Variants in DLGAP1 observed in about 807,000 individuals in gnomAD.
DLGAP1 encodes DLG associated protein 1, also known as disks large-associated protein 1.
DLGAP1 carries 11 observed loss-of-function variants against 90.8 expected under a neutral mutation model. That is an observed-to-expected ratio of 0.12 (90% confidence interval 0.08 to 0.20). The LOEUF is 0.20. Ranked by LOEUF, DLGAP1 falls within the 10% of genes least tolerant of loss-of-function variation. The probability of loss-of-function intolerance (pLI) is 1.00; values close to 1 mark genes in which losing one functional copy is unlikely to be tolerated. For synonymous variants in DLGAP1, 558 were observed against 540.7 expected (o/e 1.03, Z -0.44); for missense variants, 1,050 against 1,333.8 (o/e 0.79, Z 3.31).
intron 1 of DLGAP1, among the ~76,000 whole-genome samples, chr18:4,160,336 C>G (rs964587921): frequency 6.6e-6 from 1 of 152,174 alleles, no homozygotes; most frequent in African/African-American, 2.4e-5. Context: ...TTTGTCCCTA[C>G]TGAACTCCCA....
intron 4 of DLGAP1, among the ~76,000 whole-genome samples, chr18:3,861,234 G>A (rs2070033932): frequency 6.6e-6 from 1 of 152,112 alleles, no homozygotes; most frequent in Non-Finnish European, 1.5e-5. Context: ...TCCAATAGAG[G>A]ATCTGTTCAC....
At chr18:4,447,523 T>C (rs369559534) in intron 1 of DLGAP1, among the ~76,000 whole-genome samples, 9 of 152,196 alleles carry the variant, frequency 5.9e-5, no homozygotes, top group African/African-American at 2.2e-4. Flanking sequence ...TGAGTCCCTC[T>C]GAGGGAAGAC....
intron 7 of DLGAP1, among the ~76,000 whole-genome samples, chr18:3,692,219 T>C (rs1466163650): frequency 6.6e-6 from 1 of 152,196 alleles, no homozygotes; most frequent in Non-Finnish European, 1.5e-5. Flanking sequence ...GATCAAAGGT[T>C]AAGTGCCTCT....
intron 3 of DLGAP1, among the ~76,000 whole-genome samples, chr18:3,951,955 T>C (rs2072994831): frequency 1.3e-5 from 2 of 152,188 alleles, no homozygotes; most frequent in South Asian, 4.1e-4. Flanking sequence ...AGTGTGAAAA[T>C]GGACTAATAC....
intron 5 of DLGAP1, among the ~76,000 whole-genome samples, chr18:3,796,299 CT>C (rs1353116887): frequency 9.2e-5 from 14 of 151,422 alleles, no homozygotes; most frequent in African/African-American, 2.9e-4. Context: ...GCATTTAATA[CT>C]ATGGAAAACA....
intron 9 of DLGAP1, among the ~76,000 whole-genome samples, chr18:3,561,389 T>A: frequency 7.8e-6 from 1 of 127,600 alleles, no homozygotes; most frequent in South Asian, 2.3e-4. Context: ...TGAGCCAAGA[T>A]CCTGCCACTA....
intron 7 of DLGAP1, among the ~76,000 whole-genome samples, chr18:3,644,963 C>T (rs1231035200): frequency 6.6e-6 from 1 of 152,060 alleles, no homozygotes; most frequent in Non-Finnish European, 1.5e-5. Context: ...AAGGGGAAAA[C>T]ACATACTCAT....
intron 3 of DLGAP1, among the ~76,000 whole-genome samples, chr18:3,909,544 ATTT>A (rs373391824): frequency 1.3e-5 from 2 of 152,112 alleles, no homozygotes; most frequent in African/African-American, 4.8e-5. Flanking sequence ...CTTGCTTTTG[ATTT>A]TTTTATTAAT....
At chr18:4,309,515 G>C (rs981963731) in intron 1 of DLGAP1, among the ~76,000 whole-genome samples, 3 of 152,178 alleles carry the variant, frequency 2.0e-5, no homozygotes, top group East Asian at 3.8e-4. Flanking sequence ...TAAGCACTAA[G>C]AAGAGCCTCT....
At chr18:4,066,967 C>T (rs1158284975) in intron 2 of DLGAP1, among the ~76,000 whole-genome samples, 1 of 152,134 alleles carries the variant, frequency 6.6e-6, no homozygotes, top group Non-Finnish European at 1.5e-5. Flanking sequence ...AAATGTGGTA[C>T]ATATACACCA....
intron 7 of DLGAP1, among the ~76,000 whole-genome samples, chr18:3,591,364 T>G (rs2056234807): frequency 6.6e-6 from 1 of 152,080 alleles, no homozygotes; most frequent in South Asian, 2.1e-4. Context: ...AGGTAAGGTG[T>G]CTATTTCAGG....
At chr18:4,436,336 T>G (rs908214460) in intron 1 of DLGAP1, among the ~76,000 whole-genome samples, 3 of 152,146 alleles carry the variant, frequency 2.0e-5, no homozygotes, top group African/African-American at 7.2e-5. Context: ...GAAACTTTAG[T>G]GCACATCTTA....
chr18:3,721,431 C>T (rs1000249624), intron 7 of DLGAP1: 2 of 152,086 alleles, frequency 1.3e-5, no homozygotes, highest in Non-Finnish European at 2.9e-5. Context: ...AATGTGAAAA[C>T]GACTAAGTGT....
At chr18:3,938,447 G>C (rs555932624) in intron 3 of DLGAP1, among the ~76,000 whole-genome samples, 4 of 152,110 alleles carry the variant, frequency 2.6e-5, no homozygotes, top group Non-Finnish European at 5.9e-5. Context: ...AGAGTGCGAC[G>C]CATGTAGAAA....
chr18:4,258,529 C>CA (rs1235056384), intron 1 of DLGAP1, among the ~76,000 whole-genome samples: 31 of 146,194 alleles, frequency 2.1e-4, no homozygotes, highest in South Asian at 8.6e-4. Context: ...GTGAAAAATA[C>CA]AAAAAAAAAG....
intron 1 of DLGAP1, among the ~76,000 whole-genome samples, chr18:4,171,704 T>G (rs2077029522): frequency 6.6e-6 from 1 of 152,182 alleles, no homozygotes; most frequent in Non-Finnish European, 1.5e-5. Flanking sequence ...TATAGAAATG[T>G]CAAATTCACT....
intron 7 of DLGAP1, among the ~76,000 whole-genome samples, chr18:3,627,975 T>C (rs1035021610): frequency 5.4e-5 from 8 of 149,266 alleles, no homozygotes; most frequent in African/African-American, 2.0e-4. Flanking sequence ...ACCTCCCCGG[T>C]TCCAGTGATT....
intron 7 of DLGAP1, among the ~76,000 whole-genome samples, chr18:3,645,918 G>C (rs1033883964): frequency 3.3e-5 from 5 of 152,188 alleles, no homozygotes; most frequent in African/African-American, 9.7e-5. Flanking sequence ...GTCATGTTTG[G>C]AAACAGTCTT....
chr18:4,288,320 A>G (rs2079755480), intron 1 of DLGAP1, among the ~76,000 whole-genome samples: 1 of 152,178 alleles, frequency 6.6e-6, no homozygotes, highest in Non-Finnish European at 1.5e-5. Flanking sequence ...GTTTTAATGG[A>G]AAAATTCTCC....
Sources: gnomAD v4.1 joint callset for allele counts (sites outside exome capture counted in the v4.1 genomes callset) on GRCh38, gnomAD v4.1.1 for gene constraint, MANE v1.5 for transcripts, NCBI Gene and HGNC (gene_info 2026-07-23, HGNC 2026-07-21) for gene names.